The following QKI variants were observed in gnomAD, a reference collection of about 807,000 sequenced individuals.
QKI encodes the protein KH domain-containing RNA-binding protein QKI.
QKI carries 10 observed loss-of-function variants against 39.0 expected under a neutral mutation model. The observed-to-expected ratio is 0.26, with a 90% confidence interval of 0.16 to 0.43. QKI has a LOEUF of 0.43. Among genes scored for constraint, QKI ranks in the 20% least tolerant of loss-of-function variants. The probability of loss-of-function intolerance (pLI) is 1.00; values close to 1 mark genes in which losing one functional copy is unlikely to be tolerated. For missense variants in QKI, 218 were observed against 428.0 expected, an observed-to-expected ratio of 0.51 and a Z score of 4.33; for synonymous variants, 204 against 155.4, an observed-to-expected ratio of 1.31 and a Z score of -2.33.
Position 163,414,987 on chromosome 6 carries a change from G to C in QKI, c.-207G>C, listed in dbSNP as rs1287964569. 3.5e-6 allele frequency: 1 copy of C among 289,146 alleles called. No individual in the cohort carries two copies. Among genetic ancestry groups the C allele is most frequent in the Non-Finnish European group, 5.1e-6 (1 of 196,882 alleles). The allele number at this position is 289,146 out of a possible 1,614,324, so 17.9% of individuals were successfully genotyped here. On this transcript the variant is annotated 5_prime_UTR_variant, in exon 1 of 8. Coordinates refer to ENST00000361752, the MANE Select transcript of QKI (RefSeq NM_006775.3). ...GAGCGGCGGCGGCTGGGAGCGCGTCGGGCCCGGGCGGAAAGTGCCTGCGGG... is the reference window on the plus strand; with the variant it reads ...GAGCGGCGGCGGCTGGGAGCGCGTCCGGCCCGGGCGGAAAGTGCCTGCGGG...
At chr6:163,433,047 T>C (rs964127147) in intron 1 of QKI, among the ~76,000 whole-genome samples, 1 of 152,158 alleles carries the variant, frequency 6.6e-6, no homozygotes, top group Non-Finnish European at 1.5e-5. Flanking sequence ...TTAGATTTGT[T>C]TTAGGTTATA....
chr6:163,424,839 C>T (rs1788287367), intron 1 of QKI, among the ~76,000 whole-genome samples: 1 of 151,994 alleles, frequency 6.6e-6, no homozygotes, highest in African/African-American at 2.4e-5. Context: ...CCATGTTAGC[C>T]AGGCTGGTCT....
At chr6:163,529,217 G>A (rs1780697400) in intron 3 of QKI, among the ~76,000 whole-genome samples, 1 of 152,104 alleles carries the variant, frequency 6.6e-6, no homozygotes, top group Non-Finnish European at 1.5e-5. Flanking sequence ...CCAAGATACA[G>A]GAGCAAAGGT....
chr6:163,568,462 T>G, intron 7 of QKI: 1 of 985,628 alleles, frequency 1.0e-6, no homozygotes, highest in Non-Finnish European at 1.2e-6. Flanking sequence ...CTGTCACTGT[T>G]TTTATTTAAA....
intron 4 of QKI, 129 bp downstream of exon 4, chr6:163,535,254 A>G: frequency 1.1e-6 from 1 of 925,254 alleles, no homozygotes; most frequent in Non-Finnish European, 1.5e-6. Context: ...TAAAATTAAA[A>G]ACACCTGACT....
intron 1 of QKI, among the ~76,000 whole-genome samples, chr6:163,444,570 ATTTACAAAGC>A (rs1226481459): frequency 1.3e-5 from 2 of 152,126 alleles, no homozygotes; most frequent in Non-Finnish European, 2.9e-5. Flanking sequence ...TATAGATAAA[ATTTACAAAGC>A]TTTTGCAGGG....
At chr6:163,536,294 G>T (rs943545858) in intron 4 of QKI, among the ~76,000 whole-genome samples, 2 of 152,090 alleles carry the variant, frequency 1.3e-5, no homozygotes, top group African/African-American at 4.8e-5. Flanking sequence ...GGAGATTTTC[G>T]AAAGTATACT....
At chr6:163,456,639 T>G (rs1446299958) in intron 2 of QKI, among the ~76,000 whole-genome samples, 1 of 151,708 alleles carries the variant, frequency 6.6e-6, no homozygotes, top group Non-Finnish European at 1.5e-5. Flanking sequence ...CAAAAATTGA[T>G]CTGATACTTT....
At chr6:163,547,983 T>C (rs1196449176) in intron 4 of QKI, among the ~76,000 whole-genome samples, 2 of 152,206 alleles carry the variant, frequency 1.3e-5, no homozygotes, top group Non-Finnish European at 2.9e-5. Flanking sequence ...TTTCCAACTT[T>C]GTTTCATGTC....
rs1202373874 is a variant in QKI at position 163,493,080 on chromosome 6, GACCTGATATA to G, written c.402+14185_402+14194del. On this transcript the variant is annotated intron_variant, in intron 3 of 7. Coordinates refer to ENST00000361752, the MANE Select transcript of QKI (RefSeq NM_006775.3). ...CATATTTTGAGATCTATGTATTTGT[GACCTGATATA>G]TTTTGTTTAAGTATATTACGTACTA... Among the ~76,000 whole-genome samples, 3 of 151,244 alleles carry G rather than the reference GACCTGATATA, an allele frequency of 2.0e-5. No individual in the cohort carries two copies. The East Asian group carries it at 5.8e-4, about 29-fold the overall frequency.
intron 3 of QKI, among the ~76,000 whole-genome samples, chr6:163,507,658 A>G (rs937930426): frequency 6.6e-6 from 1 of 152,230 alleles, no homozygotes; most frequent in Non-Finnish European, 1.5e-5. Context: ...ATGTGAACTA[A>G]GACCATAGTT....
At chr6:163,570,399 ATTAGTTG>A in intron 7 of QKI, 1 of 979,874 alleles carries the variant, frequency 1.0e-6, no homozygotes, top group Non-Finnish European at 1.2e-6. Context: ...GCTACTAACT[ATTAGTTG>A]TTAGTTGTAT....
intron 1 of QKI, among the ~76,000 whole-genome samples, chr6:163,423,855 T>C (rs1472554878): frequency 2.0e-5 from 3 of 152,190 alleles, no homozygotes. Context: ...TTTGGCTGGG[T>C]GATTTAATAG....
chr6:163,516,234 T>C (rs1473945256), intron 3 of QKI, among the ~76,000 whole-genome samples: 1 of 152,224 alleles, frequency 6.6e-6, no homozygotes, highest in Non-Finnish European at 1.5e-5. Context: ...TGTCTACCTG[T>C]TGCTTGCAAC....
At chr6:163,496,794 C>T (rs1398845536) in intron 3 of QKI, among the ~76,000 whole-genome samples, 1 of 152,050 alleles carries the variant, frequency 6.6e-6, no homozygotes, top group Non-Finnish European at 1.5e-5. Context: ...TTGATTTATC[C>T]CTTTATTTCA....
Position 163,571,018 on chromosome 6 carries a change from G to T in QKI, c.*308G>T. The T allele has an allele frequency of 4.3e-6, 1 of 230,234 alleles. No homozygotes were observed. Among genetic ancestry groups the T allele is most frequent in the Admixed American group, 5.6e-5 (1 of 17,744 alleles). The allele number at this position is 230,234 out of a possible 1,614,324, so 14.3% of individuals were successfully genotyped here. On this transcript the variant is annotated 3_prime_UTR_variant, in exon 8 of 8. Coordinates refer to ENST00000361752, the MANE Select transcript of QKI (RefSeq NM_006775.3). ...CATCTTTTAATATCCCACCCTAAGC[G>T]AACGGTAAGAAGGCCTCTCTTAAGA...
chr6:163,522,639 T>C (rs1780232818), intron 3 of QKI, among the ~76,000 whole-genome samples: 1 of 152,156 alleles, frequency 6.6e-6, no homozygotes, highest in Non-Finnish European at 1.5e-5. Flanking sequence ...GAGTACTGGA[T>C]AAGTGTTTAG....
chr6:163,558,397 T>C (rs1347964397), intron 4 of QKI, among the ~76,000 whole-genome samples: 2 of 150,416 alleles, frequency 1.3e-5, no homozygotes, highest in African/African-American at 4.9e-5. Context: ...TCTTTTTTTT[T>C]CTTTTTCTTT....
At chr6:163,566,837 G>C in intron 7 of QKI, 42 bp downstream of exon 7, 1 of 1,602,548 alleles carries the variant, frequency 6.2e-7, no homozygotes, top group South Asian at 1.1e-5. Flanking sequence ...GAAATGCGTT[G>C]GGTGTCCATA....
Sources: allele counts gnomAD v4.1 joint callset (sites outside exome capture counted in the v4.1 genomes callset), GRCh38; gene constraint gnomAD v4.1.1; transcripts MANE v1.5; gene names NCBI Gene and HGNC (gene_info 2026-07-23, HGNC 2026-07-21).